The following MCPH1 variants were observed in gnomAD, a reference collection of about 807,000 sequenced individuals.
MCPH1 encodes the protein microcephalin.
In MCPH1, 104 loss-of-function variants were observed where a neutral mutation model predicts 84.5. The ratio of observed to expected loss-of-function variants is 1.23; its 90% CI spans 1.05 to 1.45. The LOEUF (loss-of-function observed/expected upper bound fraction) is 1.45. MCPH1 is among the 40% of genes most tolerant of loss of function. The pLI is 0.00. For missense variants in MCPH1, 1,498 were observed against 1,005.7 expected (o/e 1.49, Z -6.62); for synonymous variants, 514 against 366.8 (o/e 1.40, Z -4.58).
Position 6,567,056 on chromosome 8 carries a change from T to C in MCPH1, c.2215-54398T>C, listed in dbSNP as rs74760132. ...TGACCATGTGTGATCGGCAAGGCCA[T>C]GGATAGTGCACGCGGTGTGGTGACC... On this transcript the variant is annotated intron_variant, in intron 12 of 13. Coordinates refer to ENST00000344683, the MANE Select transcript of MCPH1 (RefSeq NM_024596.5). 3.0e-3 allele frequency among the ~76,000 whole-genome samples: 449 copies of C among 147,640 alleles called. 12 individuals carry two copies. The East Asian group carries it at 0.032, about 11-fold the overall frequency.
At chr8:6,465,702 A>C (rs1806807906) in intron 9 of MCPH1, among the ~76,000 whole-genome samples, 1 of 152,134 alleles carries the variant, frequency 6.6e-6, no homozygotes, top group Non-Finnish European at 1.5e-5. Context: ...TGCAAACCTT[A>C]CGGCTTATTT....
chr8:6,531,223 C>A (rs1019930943), intron 12 of MCPH1, among the ~76,000 whole-genome samples: 4 of 151,690 alleles, frequency 2.6e-5, no homozygotes, highest in African/African-American at 9.7e-5. Flanking sequence ...GCATGTCTCT[C>A]GGTGAATTTT....
intron 6 of MCPH1, among the ~76,000 whole-genome samples, chr8:6,441,759 C>A (rs890384025): frequency 1.2e-4 from 18 of 152,206 alleles, no homozygotes; most frequent in Non-Finnish European, 5.9e-5. Flanking sequence ...TACCAAATAT[C>A]TGCTGGGACC....
intron 13 of MCPH1, among the ~76,000 whole-genome samples, chr8:6,637,177 T>A (rs1797615943): frequency 1.3e-5 from 2 of 152,216 alleles, no homozygotes; most frequent in South Asian, 4.1e-4. Context: ...GTACAGCAAC[T>A]GACAGGAATA....
At chr8:6,559,763 C>CA (rs1217780335) in intron 12 of MCPH1, among the ~76,000 whole-genome samples, 2 of 152,090 alleles carry the variant, frequency 1.3e-5, no homozygotes, top group African/African-American at 2.4e-5. Context: ...TTAATATCAC[C>CA]AGGGCAGAGG....
intron 8 of MCPH1, among the ~76,000 whole-genome samples, chr8:6,448,075 CAT>C (rs546444676): frequency 1.1e-3 from 165 of 152,122 alleles, no homozygotes; most frequent in African/African-American, 3.5e-3. Flanking sequence ...TTTGTGGGGA[CAT>C]AGAGAATGAA....
At chr8:6,530,926 A>AT (rs1042887480) in intron 12 of MCPH1, among the ~76,000 whole-genome samples, 33 of 152,142 alleles carry the variant, frequency 2.2e-4, no homozygotes, top group Non-Finnish European at 1.8e-4. Flanking sequence ...GACGTCTAGC[A>AT]TTTCTTGATC....
intron 12 of MCPH1, 32 bp downstream of exon 12, chr8:6,499,961 G>A (rs1241711074): frequency 6.4e-7 from 1 of 1,569,890 alleles, no homozygotes; most frequent in East Asian, 2.2e-5. Context: ...GATGGTAAAT[G>A]CAGTTTGCTG....
intron 12 of MCPH1, among the ~76,000 whole-genome samples, chr8:6,620,656 G>T (rs886966894): frequency 6.6e-6 from 1 of 152,122 alleles, no homozygotes; most frequent in African/African-American, 2.4e-5. Flanking sequence ...AAAACAAAAC[G>T]TGGATGGCAC....
chr8:6,555,706 A>C (rs1180356663), intron 12 of MCPH1, among the ~76,000 whole-genome samples: 5 of 151,716 alleles, frequency 3.3e-5, no homozygotes, highest in Admixed American at 2.0e-4. Context: ...CAAGCGACCC[A>C]CCCGCTTCGG....
At chr8:6,543,642 CT>C (rs553168846) in intron 12 of MCPH1, among the ~76,000 whole-genome samples, 246 of 152,228 alleles carry the variant, frequency 1.6e-3, no homozygotes, top group Non-Finnish European at 3.1e-3. Flanking sequence ...GTAGGTGCAG[CT>C]TTTTTTAATG....
chr8:6,553,786 A>C (rs947161399), intron 12 of MCPH1, among the ~76,000 whole-genome samples: 1 of 152,120 alleles, frequency 6.6e-6, no homozygotes, highest in African/African-American at 2.4e-5. Flanking sequence ...CTTCTTGAGC[A>C]GAAAAGCGAA....
intron 12 of MCPH1, among the ~76,000 whole-genome samples, chr8:6,572,325 T>C (rs1826726701): frequency 6.6e-6 from 1 of 152,230 alleles, no homozygotes; most frequent in South Asian, 2.1e-4. Flanking sequence ...TCAAAAATCT[T>C]GCTTGACTAC....
intron 12 of MCPH1, among the ~76,000 whole-genome samples, chr8:6,609,828 C>CCCCCCCCCCCACA (rs1475345162): frequency 9.2e-6 from 1 of 108,736 alleles, no homozygotes. Context: ...CGCCCCCCCC[C>CCCCCCCCCCCACA]CACACACAGA....
chr8:6,445,774 T>C (rs1804266237), intron 8 of MCPH1: 5 of 1,324,056 alleles, frequency 3.8e-6, no homozygotes, highest in Non-Finnish European at 4.8e-6. Context: ...GGAATCTATT[T>C]CTCCAAGACT....
chr8:6,584,847 C>T (rs926944154), intron 12 of MCPH1, among the ~76,000 whole-genome samples: 9 of 152,112 alleles, frequency 5.9e-5, no homozygotes, highest in Non-Finnish European at 7.3e-5. Context: ...AACTGTGTCC[C>T]CTAGTTGCAC....
At chr8:6,513,200 T>A (rs2129567466) in intron 12 of MCPH1, among the ~76,000 whole-genome samples, 1 of 152,344 alleles carries the variant, frequency 6.6e-6, no homozygotes, top group Middle Eastern at 3.4e-3. Context: ...TATATTGTTA[T>A]AACCAAAGTT....
chr8:6,637,142 G>C (rs189177855), intron 13 of MCPH1, among the ~76,000 whole-genome samples: 1 of 152,178 alleles, frequency 6.6e-6, no homozygotes, highest in East Asian at 1.9e-4. Context: ...CTCGTCATAT[G>C]CCGAGCATAT....
intron 12 of MCPH1, among the ~76,000 whole-genome samples, chr8:6,619,892 T>C (rs56954220): frequency 0.015 from 2,293 of 152,282 alleles, 55 homozygotes; most frequent in African/African-American, 0.052. Context: ...CCAGATACTT[T>C]CATAATTAAC....
Sources: gnomAD v4.1 joint callset for allele counts (sites outside exome capture counted in the v4.1 genomes callset) on GRCh38, gnomAD v4.1.1 for gene constraint, MANE v1.5 for transcripts, NCBI Gene and HGNC (gene_info 2026-07-23, HGNC 2026-07-21) for gene names.